The following KCNK2 variants were observed in gnomAD, a reference collection of about 807,000 sequenced individuals.
KCNK2 encodes potassium channel subfamily K member 2.
KCNK2 carries 21 observed loss-of-function variants against 40.5 expected under a neutral mutation model. That is an observed-to-expected ratio of 0.52 (90% CI 0.37 to 0.75). The LOEUF (loss-of-function observed/expected upper bound fraction) is 0.75, where lower values mean the gene tolerates loss of function less well. Among genes scored for constraint, KCNK2 ranks in the 30% least tolerant of loss-of-function variants. The pLI is 0.00. For missense variants in KCNK2, 399 were observed against 531.6 expected (o/e 0.75, Z 2.45); for synonymous variants, 191 against 202.2 (o/e 0.94, Z 0.47).
At chr1:215,146,975 CT>C (rs992999255) in intron 3 of KCNK2, among the ~76,000 whole-genome samples, 1 of 152,064 alleles carries the variant, frequency 6.6e-6, no homozygotes. Flanking sequence ...CGCAATTACC[CT>C]TTTTATTGGT....
At chr1:215,084,030 C>A (rs1164500226) in intron 1 of KCNK2, among the ~76,000 whole-genome samples, 1 of 152,140 alleles carries the variant, frequency 6.6e-6, no homozygotes, top group Non-Finnish European at 1.5e-5. Flanking sequence ...AGATAAAAGT[C>A]TGCTTTTATT....
At chr1:215,067,902 T>A (rs1658614248) in intron 1 of KCNK2, among the ~76,000 whole-genome samples, 1 of 152,058 alleles carries the variant, frequency 6.6e-6, no homozygotes, top group South Asian at 2.1e-4. Flanking sequence ...TATTTCAAAC[T>A]AATTGCAAAC....
At chr1:215,005,959 A>T in intron 1 of KCNK2, 1 of 1,611,418 alleles carries the variant, frequency 6.2e-7, no homozygotes, top group African/African-American at 1.3e-5. Context: ...TTCTACTGTG[A>T]GTATCTTTGC....
intron 6 of KCNK2, among the ~76,000 whole-genome samples, chr1:215,223,685 C>T (rs1666274234): frequency 6.6e-6 from 1 of 152,158 alleles, no homozygotes; most frequent in African/African-American, 2.4e-5. Flanking sequence ...AATCACACCA[C>T]ATACTTCTAT....
chr1:215,200,394 GC>G (rs1253441442), intron 6 of KCNK2, among the ~76,000 whole-genome samples: 1 of 152,132 alleles, frequency 6.6e-6, no homozygotes, highest in African/African-American at 2.4e-5. Flanking sequence ...CTTTATCTTT[GC>G]CAGAGATGAG....
intron 1 of KCNK2, among the ~76,000 whole-genome samples, chr1:215,054,891 C>T (rs12131054): frequency 0.28 from 42,965 of 152,008 alleles, 7,040 homozygotes; most frequent in South Asian, 0.57. Flanking sequence ...CTTGTCTTTA[C>T]CAAATACTAT....
rs1444568852 is a variant in KCNK2, at chr1:215,195,624, TA to T, written c.963+536del. 1.5e-4 allele frequency among the ~76,000 whole-genome samples: 23 copies of T among 152,284 alleles called. 1 individual carries two copies. The South Asian group carries it at 4.8e-3, about 32-fold the overall frequency. ...CCCTGTATATAGATTTTAACAATTT[TA>T]AAAGGTGTCAATTTACTTATCTTAT... On this transcript the variant is annotated intron_variant, in intron 6 of 6. Transcript: ENST00000444842.
At chr1:215,221,648 G>A (rs1280112110) in intron 6 of KCNK2, among the ~76,000 whole-genome samples, 1 of 152,002 alleles carries the variant, frequency 6.6e-6, no homozygotes, top group East Asian at 1.9e-4. Flanking sequence ...GGAGGTGGGG[G>A]AAAGGGAGGG....
At position 215,159,757 on chromosome 1, in the gene KCNK2, A is replaced by G. The variant is rs1571679443; in HGVS notation, c.476-9442A>G. Among the ~76,000 whole-genome samples the G allele has an allele frequency of 3.9e-5, 6 of 152,276 alleles. No individual in the cohort carries two copies. In the South Asian group the frequency reaches 1.2e-3, roughly 32 times the overall value. ...AGTGTTTCCCTACAAATAACTTATT[A>G]ATTGCAAAAGAAAAGAAAAGTAACT... On this transcript the variant is annotated intron_variant, in intron 3 of 6. Coordinates refer to ENST00000444842, the MANE Select transcript of KCNK2 (RefSeq NM_001017425.3).
At chr1:215,078,937 T>C (rs1488965344), upstream of KCNK2, among the ~76,000 whole-genome samples, 1 of 152,222 alleles carries the variant, frequency 6.6e-6, no homozygotes, top group East Asian at 1.9e-4. Flanking sequence ...AGTGACATTC[T>C]CATTTTTTAA....
intron 5 of KCNK2, among the ~76,000 whole-genome samples, chr1:215,185,428 G>A (rs1383180968): frequency 4.6e-5 from 7 of 152,102 alleles, no homozygotes; most frequent in Non-Finnish European, 1.0e-4. Context: ...GCAACGGCTG[G>A]GTAGCAGATG....
At chr1:215,204,037 CAAAAAAAAAAA>C (rs71167813) in intron 6 of KCNK2, among the ~76,000 whole-genome samples, 3 of 53,178 alleles carry the variant, frequency 5.6e-5, no homozygotes, top group South Asian at 1.2e-3. Context: ...GACTCCGTCT[CAAAAAAAAAAA>C]AAAAAAAAAA....
chr1:215,056,513 AAAAAAAAAAG>A (rs890298075), intron 1 of KCNK2, among the ~76,000 whole-genome samples: 1 of 149,418 alleles, frequency 6.7e-6, no homozygotes, highest in Non-Finnish European at 1.5e-5. Context: ...AAAAAAAAAA[AAAAAAAAAAG>A]AAGAAGAAGG....
chr1:215,083,573 T>C, intron 1 of KCNK2, 142 bp downstream of exon 1: 1 of 681,478 alleles, frequency 1.5e-6, no homozygotes. Context: ...TGGGTCATAA[T>C]CTGGATTTGG....
chr1:215,182,448 G>A (rs1664261040), intron 5 of KCNK2, among the ~76,000 whole-genome samples: 1 of 152,010 alleles, frequency 6.6e-6, no homozygotes, highest in Admixed American at 6.6e-5. Flanking sequence ...CAGTGGAAAG[G>A]GCCCACTGCA....
intron 5 of KCNK2, among the ~76,000 whole-genome samples, chr1:215,172,717 C>A (rs1321909452): frequency 6.6e-6 from 1 of 152,004 alleles, no homozygotes; most frequent in Non-Finnish European, 1.5e-5. Flanking sequence ...AGTGCACTGG[C>A]ACGATATTGG....
In KCNK2 at chr1:215,093,292, T is replaced by C. The variant is rs908548613; in HGVS notation, c.357+6614T>C. 3.4e-5 allele frequency among the ~76,000 whole-genome samples: 5 copies of C among 147,734 alleles called. No homozygotes were observed. In the Admixed American group the frequency reaches 3.5e-4, roughly 10 times the overall value. ...ACCTCCAAAGGTTTTATTATTTTCC[T>C]TTAAGGGCCATTTAAAAGAAACATG... On this transcript the variant is annotated intron_variant, in intron 2 of 6. Transcript: ENST00000444842.
At chr1:215,154,714 G>A (rs933345653) in intron 3 of KCNK2, among the ~76,000 whole-genome samples, 2 of 152,022 alleles carry the variant, frequency 1.3e-5, no homozygotes, top group African/African-American at 4.8e-5. Flanking sequence ...ATGGTTTTTG[G>A]TCTTACGTTT....
At chr1:215,121,207 A>G (rs1181660521) in intron 2 of KCNK2, among the ~76,000 whole-genome samples, 1 of 152,252 alleles carries the variant, frequency 6.6e-6, no homozygotes, top group Non-Finnish European at 1.5e-5. Flanking sequence ...ACAAACAAAA[A>G]TAACAAGTTC....
Sources: gnomAD v4.1 joint callset for allele counts (sites outside exome capture counted in the v4.1 genomes callset) on GRCh38, gnomAD v4.1.1 for gene constraint, MANE v1.5 for transcripts, NCBI Gene and HGNC (gene_info 2026-07-23, HGNC 2026-07-21) for gene names.